Variants in TMEM178B observed in about 807,000 individuals in gnomAD.
TMEM178B encodes the protein transmembrane protein 178B.
A neutral mutation model predicts 31.0 loss-of-function variants in TMEM178B; 5 were observed. The observed-to-expected ratio is 0.16, with a 90% CI of 0.08 to 0.34. The LOEUF is 0.34. Ranked by LOEUF, TMEM178B falls within the 10% of genes least tolerant of loss-of-function variation. The probability of loss-of-function intolerance (pLI) is 1.00; values close to 1 mark genes in which losing one functional copy is unlikely to be tolerated. For missense variants in TMEM178B, 275 were observed against 400.3 expected, an observed-to-expected ratio of 0.69 and a Z score of 2.67; for synonymous variants, 164 against 164.0, an observed-to-expected ratio of 1.00 and a Z score of 0.00.
intron 2 of TMEM178B, among the ~76,000 whole-genome samples, chr7:141,435,278 T>C (rs1160954705): frequency 6.6e-6 from 1 of 152,258 alleles, no homozygotes; most frequent in African/African-American, 2.4e-5. Flanking sequence ...TCCAAAACTA[T>C]ACATCCTGTT....
intron 2 of TMEM178B, among the ~76,000 whole-genome samples, chr7:141,266,206 C>T (rs1031399057): frequency 6.6e-5 from 10 of 152,226 alleles, no homozygotes; most frequent in African/African-American, 2.4e-4. Flanking sequence ...TCTTCTGGTG[C>T]AACTCATTGG....
intron 1 of TMEM178B, among the ~76,000 whole-genome samples, chr7:141,155,562 C>T (rs886930294): frequency 2.6e-5 from 4 of 152,200 alleles, no homozygotes; most frequent in African/African-American, 9.6e-5. Context: ...AGTGCCCTCA[C>T]CCTTCCAGTG....
At chr7:141,443,310 C>T (rs541134609) in intron 3 of TMEM178B, among the ~76,000 whole-genome samples, 7 of 152,250 alleles carry the variant, frequency 4.6e-5, no homozygotes, top group Middle Eastern at 3.4e-3. Flanking sequence ...CAGCTGACTC[C>T]GATTCCCTCA....
chr7:141,478,581 AAT>A lies in TMEM178B; in HGVS notation c.*7796_*7797del, dbSNP rs1802415526. The A allele has an allele frequency of 2.0e-5, 3 of 152,238 alleles. No homozygotes were observed. The highest frequency in any genetic ancestry group is 4.8e-5 in the African/African-American group (2 of 41,452). 9.4% of individuals were successfully genotyped at this position (152,238 alleles called of 1,614,324 possible). On this transcript the variant is annotated 3_prime_UTR_variant, in exon 4 of 4. Coordinates refer to ENST00000565468, the MANE Select transcript of TMEM178B (RefSeq NM_001195278.2). ...TTTTAAAGTCCAAAGAAACAGCTAAAATCAGTGAAATTAATTTTTAGACTACA... is the reference window on the plus strand; with the variant it reads ...TTTTAAAGTCCAAAGAAACAGCTAAACAGTGAAATTAATTTTTAGACTACA...
intron 2 of TMEM178B, among the ~76,000 whole-genome samples, chr7:141,383,732 C>A (rs1800374089): frequency 6.6e-6 from 1 of 151,954 alleles, no homozygotes. Flanking sequence ...GGGTATATAC[C>A]CAGTAATGAG....
the TMEM178B span, among the ~76,000 whole-genome samples, chr7:141,487,269 A>T: frequency 6.6e-6 from 1 of 152,204 alleles, no homozygotes; most frequent in Admixed American, 6.5e-5. Flanking sequence ...TCAGCCCTGA[A>T]AGTGAACCAC....
chr7:141,329,699 C>T (rs964404832), intron 2 of TMEM178B, among the ~76,000 whole-genome samples: 1 of 152,178 alleles, frequency 6.6e-6, no homozygotes, highest in Non-Finnish European at 1.5e-5. Flanking sequence ...AACCTGTGTT[C>T]CAGAAACACT....
chr7:141,444,038 G>A (rs748288735), intron 3 of TMEM178B, among the ~76,000 whole-genome samples: 9 of 152,132 alleles, frequency 5.9e-5, no homozygotes. Context: ...TTGCTTGTTG[G>A]AGCACTTAGT....
rs575818807 is a variant in TMEM178B at position 141,368,047 on chromosome 7, A to G, written c.497-69561A>G. 2.6e-5 allele frequency among the ~76,000 whole-genome samples: 4 copies of G among 152,306 alleles called. No homozygotes were observed. The East Asian group carries it at 5.8e-4, about 22-fold the overall frequency. On this transcript the variant is annotated intron_variant, in intron 2 of 3. Transcript: ENST00000565468. ...AAAAATACAAAAAGGGGCCAGGCAC[A>G]GTAGCTCACGCCTGTAATCCCAGCA...
At chr7:141,443,354 C>T (rs1331255493) in intron 3 of TMEM178B, among the ~76,000 whole-genome samples, 2 of 152,198 alleles carry the variant, frequency 1.3e-5, no homozygotes, top group Non-Finnish European at 2.9e-5. Flanking sequence ...GTTCTAGGAT[C>T]CCGTTCAGGA....
chr7:141,503,514 G>C, the TMEM178B span, among the ~76,000 whole-genome samples: 1 of 152,184 alleles, frequency 6.6e-6, no homozygotes, highest in Non-Finnish European at 1.5e-5. Context: ...CAATGTACTT[G>C]TTCATGATTA....
intron 1 of TMEM178B, among the ~76,000 whole-genome samples, chr7:141,130,084 G>A (rs1795570233): frequency 1.3e-5 from 2 of 152,152 alleles, no homozygotes; most frequent in African/African-American, 2.4e-5. Flanking sequence ...TAGACTCTCA[G>A]TTAATCTCTT....
At chr7:141,392,237 A>G (rs1271182722) in intron 2 of TMEM178B, among the ~76,000 whole-genome samples, 1 of 152,246 alleles carries the variant, frequency 6.6e-6, no homozygotes, top group Non-Finnish European at 1.5e-5. Context: ...TACATATAGT[A>G]TGAGATAGAG....
chr7:141,143,351 C>G (rs1043886699), intron 1 of TMEM178B, among the ~76,000 whole-genome samples: 3 of 152,150 alleles, frequency 2.0e-5, no homozygotes, highest in African/African-American at 7.2e-5. Flanking sequence ...AATTTGAAGT[C>G]TTACATTTAA....
intron 2 of TMEM178B, among the ~76,000 whole-genome samples, chr7:141,435,772 C>G (rs1314229228): frequency 1.7e-4 from 26 of 152,216 alleles, no homozygotes; most frequent in Admixed American, 1.7e-3. Flanking sequence ...GCATGATAAT[C>G]AGGCACCCTG....
rs548412746 is a variant in TMEM178B, at chr7:141,265,664, G to A, written c.496+52960G>A. ...TACACAAGGCAGTTAGGTGGGGCAC[G>A]TCTCTTTTGGGATTGGGTTGGATGA... On this transcript the variant is annotated intron_variant, in intron 2 of 3. Coordinates refer to ENST00000565468, the MANE Select transcript of TMEM178B (RefSeq NM_001195278.2). Among the ~76,000 whole-genome samples the A allele has an allele frequency of 5.3e-5, 8 of 152,290 alleles. No homozygotes were observed. The South Asian group carries it at 1.2e-3, about 24-fold the overall frequency.
rs372451573 is a variant in TMEM178B, at chr7:141,094,964, A to G, written c.382+20272A>G. Among the ~76,000 whole-genome samples the G allele has an allele frequency of 5.9e-5, 9 of 152,338 alleles. No individual in the cohort carries two copies. In the East Asian group the frequency reaches 9.6e-4, roughly 16 times the overall value. Reference sequence around the variant, plus strand: ...AAGTTCTTTTTAAAAACGAAGTGCAATAATTCCTTGTAACCTCCCCACAAC... The same window carrying G: ...AAGTTCTTTTTAAAAACGAAGTGCAGTAATTCCTTGTAACCTCCCCACAAC... On this transcript the variant is annotated intron_variant, in intron 1 of 3. Transcript: ENST00000565468.
At chr7:141,271,021 C>G (rs1014804830) in intron 2 of TMEM178B, among the ~76,000 whole-genome samples, 2 of 152,128 alleles carry the variant, frequency 1.3e-5, no homozygotes, top group Non-Finnish European at 2.9e-5. Flanking sequence ...TCCTCTAAGC[C>G]AGGTATGTTC....
chr7:141,242,459 A>AT (rs1797638726), intron 2 of TMEM178B, among the ~76,000 whole-genome samples: 1 of 133,224 alleles, frequency 7.5e-6, no homozygotes, highest in South Asian at 2.5e-4. Flanking sequence ...CTCTGTGGCT[A>AT]TTTTCACACT....
Sources: gnomAD v4.1 joint callset for allele counts (sites outside exome capture counted in the v4.1 genomes callset) on GRCh38, gnomAD v4.1.1 for gene constraint, MANE v1.5 for transcripts, NCBI Gene and HGNC (gene_info 2026-07-23, HGNC 2026-07-21) for gene names.